Variants in DNAH14 observed in about 807,000 individuals in gnomAD.
DNAH14 encodes dynein axonemal heavy chain 14.
DNAH14 carries 478 observed loss-of-function variants against 520.9 expected under a neutral mutation model. The ratio of observed to expected loss-of-function variants is 0.92; its 90% CI spans 0.85 to 0.99. DNAH14 has a LOEUF of 0.99. Ranked by LOEUF, DNAH14 falls within the 50% of genes least tolerant of loss-of-function variation. The pLI, the probability that DNAH14 is intolerant of heterozygous loss-of-function variation, is 0.00. For missense variants in DNAH14, 4,831 were observed against 5,234.5 expected (o/e 0.92, Z 2.38); for synonymous variants, 1,581 against 1,757.2 (o/e 0.90, Z 2.51).
chr1:225,180,937 A>G (rs1174818734), intron 36 of DNAH14, among the ~76,000 whole-genome samples: 1 of 152,154 alleles, frequency 6.6e-6, no homozygotes, highest in Non-Finnish European at 1.5e-5. Flanking sequence ...GATAGTGAAC[A>G]TAGTACACAA....
chr1:225,348,285 A>T (rs1002969703), intron 71 of DNAH14, among the ~76,000 whole-genome samples: 1 of 152,164 alleles, frequency 6.6e-6, no homozygotes, highest in African/African-American at 2.4e-5. Flanking sequence ...GAAGAAAAAA[A>T]GAGAGAAAAG....
At chr1:224,960,050 CT>C (rs2060747319) in intron 3 of DNAH14, 102 bp from the exon 4 acceptor site, 1 of 1,171,642 alleles carries the variant, frequency 8.5e-7, no homozygotes, top group Non-Finnish European at 1.1e-6. Context: ...CCATGCTATA[CT>C]GCCTTATATA....
At chr1:225,336,584 G>A (rs2095060086) in intron 66 of DNAH14, among the ~76,000 whole-genome samples, 1 of 152,142 alleles carries the variant, frequency 6.6e-6, no homozygotes, top group African/African-American at 2.4e-5. Flanking sequence ...GAATAGAGAA[G>A]CTTTGAACAA....
At chr1:225,047,842 G>T (rs915155519) in intron 15 of DNAH14, among the ~76,000 whole-genome samples, 1 of 152,248 alleles carries the variant, frequency 6.6e-6, no homozygotes, top group African/African-American at 2.4e-5. Context: ...TCTTCAATGA[G>T]GTTATGTAGT....
intron 60 of DNAH14, among the ~76,000 whole-genome samples, chr1:225,309,676 C>T (rs375737417): frequency 6.6e-6 from 1 of 152,108 alleles, no homozygotes; most frequent in African/African-American, 2.4e-5. Context: ...GGGTAGATTA[C>T]GAGGTGAGGA....
At chr1:225,221,301 A>G (rs901577259) in intron 41 of DNAH14, among the ~76,000 whole-genome samples, 1 of 152,214 alleles carries the variant, frequency 6.6e-6, no homozygotes, top group Non-Finnish European at 1.5e-5. Context: ...GCCAAAATTG[A>G]CAAATAGTAT....
rs1196932355 is a variant in DNAH14, at chr1:225,346,346, G to A, written c.11063G>A (p.Ser3688Asn). ...EKNLLDKHIK[S>N]AIDMLTKSIF... ...AATCTCTTAGATAAGCATATTAAAA[G>A]TGCAATAGACATGTTGACAAAAAGT... Residue 3688 changes from serine to asparagine, a missense_variant, in exon 70 of 86, where the codon AGT becomes AAT. Transcript: ENST00000682510. 3.9e-6 allele frequency: 6 copies of A among 1,533,222 alleles called. No individual in the cohort carries two copies. Among genetic ancestry groups the A allele is most frequent in the Non-Finnish European group, 5.3e-6 (6 of 1,141,774 alleles). 95.0% of individuals were successfully genotyped at this position (1,533,222 alleles called of 1,614,324 possible). A position where few individuals can be genotyped will look rare whatever the true frequency, so the allele number is the denominator to read the frequency against.
intron 36 of DNAH14, among the ~76,000 whole-genome samples, chr1:225,173,681 C>T (rs1196137888): frequency 3.3e-5 from 5 of 152,178 alleles, no homozygotes; most frequent in Non-Finnish European, 2.9e-5. Flanking sequence ...ACTAGTTCAA[C>T]CATTGTGGAA....
At chr1:224,966,503 AT>A in intron 5 of DNAH14, among the ~76,000 whole-genome samples, 1 of 152,222 alleles carries the variant, frequency 6.6e-6, no homozygotes, top group East Asian at 1.9e-4. Flanking sequence ...AAAGAAATAA[AT>A]TTTCCTTAAA....
Position 225,252,434 on chromosome 1 carries a change from G to C in DNAH14, c.6865+17G>C. 7.5e-7 allele frequency: 1 copy of C among 1,326,304 alleles called. No homozygotes were observed. Among genetic ancestry groups the C allele is most frequent in the Non-Finnish European group, 1.1e-6 (1 of 945,880 alleles). 82.2% of individuals were successfully genotyped at this position (1,326,304 alleles called of 1,614,324 possible). ...TTCAAAGAGGTAAGAATAATTATAAGAATCATACTTGTAACGTTAGAATAT... is the reference window on the plus strand; with the variant it reads ...TTCAAAGAGGTAAGAATAATTATAACAATCATACTTGTAACGTTAGAATAT... On this transcript the variant is annotated intron_variant, in intron 44 of 85. Transcript: ENST00000682510.
At chr1:225,268,083 T>C (rs562922068) in intron 49 of DNAH14, among the ~76,000 whole-genome samples, 170 of 152,308 alleles carry the variant, frequency 1.1e-3, no homozygotes, top group African/African-American at 3.8e-3. Context: ...CAATTGGCTC[T>C]TCTGATTTCT....
Position 225,152,754 on chromosome 1 carries a change from A to G in DNAH14, c.5067A>G (p.Ala1689=). The change falls in exon 33 of 86, where the codon GCA becomes GCG. Residue 1689 remains alanine, a synonymous_variant. Coordinates refer to ENST00000682510, the MANE Select transcript of DNAH14 (RefSeq NM_001367479.1). ...TAAAATCTCTGTTTCGCCCAGTGGC[A>G]ATGATGGTGCCCCATTATCAAATGA... ...DNLKSLFRPV[A]MMVPHYQMIA... 1 of 1,551,400 alleles carries G rather than the reference A, an allele frequency of 6.4e-7. No homozygotes were observed. The highest frequency in any genetic ancestry group is 2.4e-5 in the East Asian group (1 of 40,898).
intron 41 of DNAH14, among the ~76,000 whole-genome samples, chr1:225,208,395 G>T (rs568865470): frequency 6.6e-6 from 1 of 152,296 alleles, no homozygotes; most frequent in East Asian, 1.9e-4. Flanking sequence ...CTGTATAACA[G>T]ATTAGTGAGA....
intron 8 of DNAH14, among the ~76,000 whole-genome samples, chr1:224,992,624 G>T (rs915829922): frequency 5.5e-4 from 84 of 151,978 alleles, no homozygotes; most frequent in African/African-American, 2.0e-3. Flanking sequence ...GAATCTTTAG[G>T]TTTTTCCTTA....
intron 44 of DNAH14, among the ~76,000 whole-genome samples, chr1:225,253,771 T>C (rs775040399): frequency 6.6e-6 from 1 of 152,164 alleles, no homozygotes; most frequent in East Asian, 1.9e-4. Context: ...CTTTCTTTAA[T>C]AGCATGGTGG....
intron 8 of DNAH14, among the ~76,000 whole-genome samples, chr1:225,001,539 T>C (rs546678445): frequency 2.4e-4 from 36 of 152,268 alleles, no homozygotes; most frequent in African/African-American, 7.2e-4. Flanking sequence ...ATTTTTTTCT[T>C]GTTAGATCAT....
intron 37 of DNAH14, among the ~76,000 whole-genome samples, chr1:225,186,047 T>C (rs577335792): frequency 6.6e-6 from 1 of 151,680 alleles, no homozygotes; most frequent in South Asian, 2.1e-4. Flanking sequence ...TGTTGATTTA[T>C]TAATGTTAAC....
At chr1:224,963,678 C>T (rs1188938116) in intron 4 of DNAH14, among the ~76,000 whole-genome samples, 1 of 151,952 alleles carries the variant, frequency 6.6e-6, no homozygotes, top group African/African-American at 2.4e-5. Context: ...TGTTACTTAT[C>T]CTCTTGTCAG....
intron 84 of DNAH14, among the ~76,000 whole-genome samples, chr1:225,395,522 G>A (rs188900114): frequency 0.013 from 1,976 of 151,970 alleles, 42 homozygotes; most frequent in African/African-American, 0.045. Flanking sequence ...AACCCAGGAG[G>A]CGGAGCTTGC....
Sources: allele counts gnomAD v4.1 joint callset (sites outside exome capture counted in the v4.1 genomes callset), GRCh38; gene constraint gnomAD v4.1.1; transcripts MANE v1.5; gene names NCBI Gene and HGNC (gene_info 2026-07-23, HGNC 2026-07-21).